CACNA2D4: variants seen among roughly 807,000 people sequenced by gnomAD.
CACNA2D4 encodes the protein calcium voltage-gated channel auxiliary subunit alpha2delta 4, also known as voltage-dependent calcium channel subunit alpha-2/delta-4.
Under a neutral mutation model 163.8 loss-of-function variants are expected in CACNA2D4, and 157 were observed. The ratio of observed to expected loss-of-function variants is 0.96; its 90% CI spans 0.84 to 1.09. CACNA2D4 has a LOEUF of 1.09. Ranked by LOEUF, CACNA2D4 falls within the 50% of genes least tolerant of loss-of-function variation. The pLI is 0.00. For synonymous variants in CACNA2D4, 598 were observed against 586.9 expected, an observed-to-expected ratio of 1.02 and a Z score of -0.27; for missense variants, 1,410 against 1,479.9, an observed-to-expected ratio of 0.95 and a Z score of 0.78.
In CACNA2D4 at chr12:1,797,485, G is replaced by C. The variant is rs1298540523; in HGVS notation, c.3046C>G (p.Pro1016Ala). The C allele has an allele frequency of 6.3e-7, 1 of 1,586,018 alleles. No individual in the cohort carries two copies. The highest frequency in any genetic ancestry group is 8.6e-7 in the Non-Finnish European group (1 of 1,168,286). Residue 1016 changes from proline to alanine, a missense_variant, in exon 35 of 38, where the codon CCC becomes GCC. Transcript: ENST00000382722. ...ATGGCCGGCTGGTACACGAACACGG[G>C]GTACTCCGTGTCGCAGGGCTGCAGC... Reference protein sequence around the residue: ...DPLQPCDTEYPVFVYQPAIRE... With the variant: ...DPLQPCDTEYAVFVYQPAIRE...
rs1474601534 is a variant in CACNA2D4, at chr12:1,869,474, G to T, written c.1878+5130C>A. 1.3e-5 allele frequency among the ~76,000 whole-genome samples: 2 copies of T among 152,228 alleles called. No individual in the cohort carries two copies. Among genetic ancestry groups the T allele is most frequent in the Non-Finnish European group, 2.9e-5 (2 of 68,038 alleles). ...ATGGAAGGCACTGGCTCCGTCTGCG[G>T]GTCATCTGCCATCCTGATGGGTAGA... On this transcript the variant is annotated intron_variant, in intron 18 of 37. Coordinates refer to ENST00000382722, the MANE Select transcript of CACNA2D4 (RefSeq NM_172364.5). The surrounding 1 kb of genome is among the most constrained non-coding windows in gnomAD (Gnocchi z 4.7).
chr12:1,907,220 T>C (rs919610481), intron 6 of CACNA2D4, among the ~76,000 whole-genome samples: 2 of 152,252 alleles, frequency 1.3e-5, no homozygotes, highest in African/African-American at 4.8e-5. Context: ...TCATGGTGTT[T>C]GATGGTTTCA....
chr12:1,797,272 G>A (rs562429347), intron 35 of CACNA2D4, 146 bp downstream of exon 35: 3 of 658,016 alleles, frequency 4.6e-6, no homozygotes, highest in African/African-American at 3.6e-5. Flanking sequence ...GGAAGACCCC[G>A]GGAGCGTGGG....
intron 26 of CACNA2D4, among the ~76,000 whole-genome samples, chr12:1,813,830 G>A (rs1288645006): frequency 6.6e-6 from 1 of 152,188 alleles, no homozygotes; most frequent in African/African-American, 2.4e-5. Context: ...TCATGACAAA[G>A]ATGAGAGCTG....
chr12:1,860,348 C>A, intron 18 of CACNA2D4, 142 bp from the exon 19 acceptor site: 1 of 661,364 alleles, frequency 1.5e-6, no homozygotes, highest in South Asian at 1.7e-5. Context: ...AGCCCCTACA[C>A]ACCTCATCCT....
rs1863526821 is a variant in CACNA2D4 at position 1,806,056 on chromosome 12, C to G, written c.2721+4222G>C. Among the ~76,000 whole-genome samples the G allele has an allele frequency of 6.6e-6, 1 of 152,196 alleles. No individual in the cohort carries two copies. Among genetic ancestry groups the G allele is most frequent in the South Asian group, 2.1e-4 (1 of 4,818 alleles). On this transcript the variant is annotated intron_variant, in intron 29 of 37. Coordinates refer to ENST00000382722, the MANE Select transcript of CACNA2D4 (RefSeq NM_172364.5). This position sits in a 1 kb window ranked among gnomAD's most constrained non-coding sequence, Gnocchi z 4.1. ...TGTGGAGGGAGCAGGGTGCTGTGCT[C>G]TGAGAGATCCAGGTCCCTCAGGGAA...
rs557264328 is a variant in CACNA2D4 at position 1,886,253 on chromosome 12, C to G, written c.963G>C (p.Leu321=). 21 of 1,613,514 alleles carry G rather than the reference C, an allele frequency of 1.3e-5. No homozygotes were observed. The East Asian group carries it at 4.7e-4, about 36-fold the overall frequency. The stretch of plus-strand genomic sequence containing the variant: ...TGATATTAATGAAGTCATTCTCCCC[C>G]AGGGTGTCCAAGATGGTGGTGATGG... ...KHTITTILDT[L]GENDFINIIA... Residue 321 remains leucine (L), a synonymous_variant, in exon 8 of 38, where the codon CTG becomes CTC. Transcript: ENST00000382722.
intron 6 of CACNA2D4, among the ~76,000 whole-genome samples, chr12:1,905,641 C>T (rs1468350180): frequency 6.6e-6 from 1 of 152,052 alleles, no homozygotes; most frequent in African/African-American, 2.4e-5. Flanking sequence ...ATTAACTTAA[C>T]CAATGAGGTG....
chr12:1,817,022 G>A (rs1361570409), intron 26 of CACNA2D4, among the ~76,000 whole-genome samples: 1 of 152,220 alleles, frequency 6.6e-6, no homozygotes, highest in African/African-American at 2.4e-5. Context: ...TGCCCTCCTA[G>A]CCCTTTATCT....
rs1379270194 is a variant in CACNA2D4 at position 1,890,632 on chromosome 12, G to A, written c.782-3563C>T. Among the ~76,000 whole-genome samples the A allele has an allele frequency of 2.0e-5, 3 of 152,320 alleles. No homozygotes were observed. The East Asian group carries it at 5.8e-4, about 29-fold the overall frequency. ...TCCCCAATAGCAGGGCTGCCACACA[G>A]CCACTGCTGCCCCAACCCGAGCATT... On this transcript the variant is annotated intron_variant, in intron 6 of 37. Coordinates refer to ENST00000382722, the MANE Select transcript of CACNA2D4 (RefSeq NM_172364.5).
Position 1,884,812 on chromosome 12 carries a change from C to T in CACNA2D4, c.1228G>A (p.Asp410Asn), listed in dbSNP as rs375756819. Residue 410 changes from aspartate (D) to asparagine (N), a missense_variant, in exon 11 of 38, where the codon GAC becomes AAC. Physicochemically the swap from Asp to Asn is conservative, Grantham distance 23. Transcript: ENST00000382722. ...IMLISDGAVE[D>N]YEPVFEKYNW... The stretch of plus-strand genomic sequence containing the variant: ...TACTTCTCAAACACCGGCTCGTAGT[C>T]CTCCACGGCGCCGTCGCTGATGAGC... 3.7e-6 allele frequency: 6 copies of T among 1,613,740 alleles called. No individual in the cohort carries two copies. In the African/African-American group the frequency reaches 5.3e-5, roughly 14 times the overall value.
intron 18 of CACNA2D4, among the ~76,000 whole-genome samples, chr12:1,871,868 C>A (rs976586615): frequency 2.6e-5 from 4 of 152,210 alleles, no homozygotes; most frequent in African/African-American, 4.8e-5. Flanking sequence ...CCCCTTCCCT[C>A]CCCCATTGCT....
intron 3 of CACNA2D4, among the ~76,000 whole-genome samples, chr12:1,911,313 C>A (rs1259302383): frequency 1.3e-5 from 2 of 152,076 alleles, no homozygotes; most frequent in Non-Finnish European, 2.9e-5. Context: ...CCGTGCCTGG[C>A]ACAATTTTTT....
At position 1,853,984 on chromosome 12, in the gene CACNA2D4, G is replaced by T; in HGVS notation, c.2213C>A (p.Ala738Asp). Reference sequence around the variant, plus strand: ...GTTGAGGGCCAGCGCTGTCCAGTAGGCTTCCATGGGGGCTGTCACCACCGC... The same window carrying T: ...GTTGAGGGCCAGCGCTGTCCAGTAGTCTTCCATGGGGGCTGTCACCACCGC... ...FDAVVTAPME[A>D]YWTALALNMS... Residue 738 changes from alanine (A) to aspartate (D), a missense_variant, in exon 23 of 38, where the codon GCC (alanine) becomes GAC (aspartate). By Grantham distance (126) the Ala-to-Asp change is moderately radical. Transcript: ENST00000382722. 1 of 1,613,116 alleles carries T rather than the reference G, an allele frequency of 6.2e-7. No individual in the cohort carries two copies. Among genetic ancestry groups the T allele is most frequent in the South Asian group, 1.1e-5 (1 of 90,954 alleles).
chr12:1,871,154 A>ATG (rs1491124272), intron 18 of CACNA2D4, among the ~76,000 whole-genome samples: 1 of 129,148 alleles, frequency 7.7e-6, no homozygotes. Context: ...GTGTGTACAC[A>ATG]TGTGTGCTGC....
intron 22 of CACNA2D4, among the ~76,000 whole-genome samples, chr12:1,854,753 CT>C (rs1865363437): frequency 6.6e-6 from 1 of 152,180 alleles, no homozygotes; most frequent in Admixed American, 6.5e-5. Flanking sequence ...CTCAGAGCCC[CT>C]ATACATGCTG....
chr12:1,831,648 C>G (rs1864636324), intron 26 of CACNA2D4: 4 of 799,404 alleles, frequency 5.0e-6, no homozygotes, highest in Non-Finnish European at 7.9e-6. Flanking sequence ...GGGGGCGACC[C>G]TGCCTCTGTG....
chr12:1,915,207 T>C, intron 1 of CACNA2D4: 2 of 702,638 alleles, frequency 2.8e-6, no homozygotes, highest in Non-Finnish European at 2.6e-6. Context: ...CCCTCCTCCT[T>C]GTCCCTAAAG....
In CACNA2D4 at chr12:1,878,433, G is replaced by T; in HGVS notation, c.1645-44C>A. The T allele has an allele frequency of 6.4e-7, 1 of 1,564,940 alleles. No homozygotes were observed. The highest frequency in any genetic ancestry group is 8.7e-7 in the Non-Finnish European group (1 of 1,154,658). On this transcript the variant is annotated intron_variant, in intron 15 of 37. Transcript: ENST00000382722. The surrounding 1 kb of genome is among the most constrained non-coding windows in gnomAD (Gnocchi z 4.6). ...GAGGCGCATTAGGCCTGCTGTTTGTGCTGGGCATCTGGAGTTGGGCAGGGG... is the reference window on the plus strand; with the variant it reads ...GAGGCGCATTAGGCCTGCTGTTTGTTCTGGGCATCTGGAGTTGGGCAGGGG...
Sources: gnomAD v4.1 joint callset for allele counts (sites outside exome capture counted in the v4.1 genomes callset) on GRCh38, gnomAD v4.1.1 for gene constraint, Gnocchi (gnomAD v3.1) non-coding constraint, MANE v1.5 for transcripts, NCBI Gene and HGNC (gene_info 2026-07-23, HGNC 2026-07-21) for gene names.